SPMAP2: variants seen among roughly 807,000 people sequenced by gnomAD.
The protein encoded by SPMAP2 is sperm microtubule associated protein 2, also known as Theg homolog.
chr19:365,509 TCTTACCCCCACCACACA>T, the SPMAP2 span, among the ~76,000 whole-genome samples: 1 of 79,344 alleles, frequency 1.3e-5, no homozygotes, highest in African/African-American at 4.0e-5. Context: ...ACACACTCGC[TCTTACCCCCACCACACA>T]GCAAGTGTGA....
At chr19:364,707 C>T in the SPMAP2 span, among the ~76,000 whole-genome samples, 1 of 152,092 alleles carries the variant, frequency 6.6e-6, no homozygotes, top group East Asian at 1.9e-4. Flanking sequence ...TCATGTCTTG[C>T]TCCCTGGTGG....
chr19:371,207 C>A, the SPMAP2 span: 1 of 1,449,024 alleles, frequency 6.9e-7, no homozygotes, highest in Non-Finnish European at 9.2e-7. Flanking sequence ...GCACCCACCT[C>A]AGACATGGGC....
the SPMAP2 span, chr19:373,868 G>C: frequency 2.8e-6 from 4 of 1,415,228 alleles, no homozygotes; most frequent in African/African-American, 1.4e-5. Context: ...GGTGGCTGGA[G>C]TGAAGGGGTC....
the SPMAP2 span, chr19:371,387 T>G: frequency 1.6e-6 from 1 of 627,610 alleles, no homozygotes; most frequent in Non-Finnish European, 2.6e-6. Flanking sequence ...TGTGTGTGTG[T>G]GTGTGTGTGT....
At chr19:366,451 C>A in the SPMAP2 span, among the ~76,000 whole-genome samples, 59,435 of 151,924 alleles carry the variant, frequency 0.39, 11,971 homozygotes, top group Middle Eastern at 0.47. Context: ...CTGCATCAGC[C>A]CTCATCTGTT....
chr19:363,136 G>C, the SPMAP2 span, among the ~76,000 whole-genome samples: 2 of 152,296 alleles, frequency 1.3e-5, no homozygotes, highest in Non-Finnish European at 2.9e-5. Context: ...TGTGGTGGTG[G>C]TTGCATAACC....
chr19:364,862 G>A, the SPMAP2 span, among the ~76,000 whole-genome samples: 252 of 152,244 alleles, frequency 1.7e-3, no homozygotes, highest in African/African-American at 5.7e-3. Flanking sequence ...CATAGCAGCC[G>A]GGGCTGTCCT....
At chr19:367,957 G>A in the SPMAP2 span, among the ~76,000 whole-genome samples, 56 of 152,164 alleles carry the variant, frequency 3.7e-4, no homozygotes, top group African/African-American at 1.2e-3. Context: ...CGAACACCAC[G>A]AAACACGACC....
At chr19:372,234 CAG>C in the SPMAP2 span, among the ~76,000 whole-genome samples, 1 of 152,370 alleles carries the variant, frequency 6.6e-6, no homozygotes, top group African/African-American at 2.4e-5. Context: ...TTAACAAGCA[CAG>C]GGGCTGTAAG....
the SPMAP2 span, among the ~76,000 whole-genome samples, chr19:365,167 T>C: frequency 6.6e-6 from 1 of 152,084 alleles, no homozygotes; most frequent in Non-Finnish European, 1.5e-5. Context: ...CACACACACG[T>C]CGTGAATATA....
At chr19:362,492 G>T in the SPMAP2 span, 1 of 1,350,112 alleles carries the variant, frequency 7.4e-7, no homozygotes, top group Non-Finnish European at 1.0e-6. Flanking sequence ...TTCAGGCTGG[G>T]CATGGGAGCT....
the SPMAP2 span, among the ~76,000 whole-genome samples, chr19:366,371 T>A: frequency 5.3e-5 from 8 of 152,094 alleles, no homozygotes. Context: ...CGTGTACCAG[T>A]GTATGGATGT....
chr19:364,521 A>T, the SPMAP2 span, among the ~76,000 whole-genome samples: 32 of 151,972 alleles, frequency 2.1e-4, no homozygotes, highest in Non-Finnish European at 4.6e-4. Context: ...TCTCTAAAAA[A>T]AAAAAAATGG....
At chr19:373,709 G>A in the SPMAP2 span, among the ~76,000 whole-genome samples, 5 of 152,110 alleles carry the variant, frequency 3.3e-5, no homozygotes, top group Admixed American at 6.5e-5. Context: ...TTGTGAGCAA[G>A]GCTGATGTCC....
chr19:370,469 G>T, the SPMAP2 span, among the ~76,000 whole-genome samples: 3 of 150,960 alleles, frequency 2.0e-5, no homozygotes, highest in Admixed American at 2.0e-4. Flanking sequence ...AGCCTCCGGA[G>T]TAGTTGGGAC....
the SPMAP2 span, chr19:371,119 A>T: frequency 1.4e-6 from 1 of 737,172 alleles, no homozygotes; most frequent in Non-Finnish European, 2.1e-6. Context: ...TCCTCCCCTG[A>T]CTCCCAAACG....
At chr19:365,712 C>G in the SPMAP2 span, among the ~76,000 whole-genome samples, 1 of 143,124 alleles carries the variant, frequency 7.0e-6, no homozygotes, top group Non-Finnish European at 1.5e-5. Context: ...ACTCTTACCC[C>G]CACCACACAG....
chr19:371,953 T>A, the SPMAP2 span, among the ~76,000 whole-genome samples: 1 of 152,220 alleles, frequency 6.6e-6, no homozygotes, highest in East Asian at 1.9e-4. Flanking sequence ...GCTGCATCTG[T>A]GTGTGCTGTT....
the SPMAP2 span, among the ~76,000 whole-genome samples, chr19:370,013 C>A: frequency 4.3e-4 from 66 of 152,306 alleles, no homozygotes; most frequent in African/African-American, 1.6e-3. Context: ...AGCCTGAGCT[C>A]CCACTTCCCA....
Sources: allele counts gnomAD v4.1 joint callset (sites outside exome capture counted in the v4.1 genomes callset), GRCh38; gene constraint gnomAD v4.1.1; transcripts MANE v1.5; gene names NCBI Gene and HGNC (gene_info 2026-07-23, HGNC 2026-07-21).